Variants in IFRD1 observed in about 807,000 individuals in gnomAD.
IFRD1 encodes interferon related developmental regulator 1.
A neutral mutation model predicts 52.9 loss-of-function variants in IFRD1; 35 were observed. The observed-to-expected ratio is 0.66, with a 90% CI of 0.51 to 0.88. IFRD1 has a LOEUF of 0.88. IFRD1 is among the 40% of genes least tolerant of loss of function. The pLI is 0.00. For synonymous variants in IFRD1, 184 were observed against 188.4 expected (o/e 0.98, Z 0.19); for missense variants, 517 against 550.8 (o/e 0.94, Z 0.61).
At chr7:112,428,431 T>G (rs766135783) in intron 1 of IFRD1, among the ~76,000 whole-genome samples, 6 of 152,166 alleles carry the variant, frequency 3.9e-5, no homozygotes, top group Non-Finnish European at 7.4e-5. Context: ...ATGGAGTAGT[T>G]AAGAGGCAGT....
intron 1 of IFRD1, among the ~76,000 whole-genome samples, chr7:112,441,573 C>G (rs1180054487): frequency 6.6e-6 from 1 of 152,214 alleles, no homozygotes; most frequent in Non-Finnish European, 1.5e-5. Flanking sequence ...CTCTGCTTCT[C>G]TCTACAGTCC....
chr7:112,453,631 A>G (rs1467851637), intron 1 of IFRD1, among the ~76,000 whole-genome samples: 1 of 152,176 alleles, frequency 6.6e-6, no homozygotes, highest in Non-Finnish European at 1.5e-5. Context: ...ATCTGTTGCC[A>G]TTACTTCAGT....
At chr7:112,453,763 T>G (rs1795222101) in intron 1 of IFRD1, among the ~76,000 whole-genome samples, 1 of 152,206 alleles carries the variant, frequency 6.6e-6, no homozygotes. Flanking sequence ...CTTTATGCTT[T>G]ACTACTTTGG....
At chr7:112,456,682 C>T (rs1389239653) in intron 3 of IFRD1, among the ~76,000 whole-genome samples, 1 of 152,124 alleles carries the variant, frequency 6.6e-6, no homozygotes, top group Non-Finnish European at 1.5e-5. Context: ...AAAGTTGTGG[C>T]TATCAAACTA....
chr7:112,456,264 TTC>T (rs1243954916), intron 3 of IFRD1, among the ~76,000 whole-genome samples, 178 bp downstream of exon 3: 3 of 152,262 alleles, frequency 2.0e-5, no homozygotes, highest in Non-Finnish European at 4.4e-5. Context: ...CTTTGGATGT[TTC>T]TTATTCCGTT....
chr7:112,435,655 T>TGTGTGTGTGTGTGTGTGTGTGTGCGC (rs775779479), intron 1 of IFRD1: 7 of 149,250 alleles, frequency 4.7e-5, no homozygotes, highest in African/African-American at 1.8e-4. Context: ...TGTGTGTGTG[T>TGTGTGTGTGTGTGTGTGTGTGTGCGC]GCGTGCTTGT....
rs1211004336 is a variant in IFRD1, at chr7:112,476,429, G to A, written c.*910G>A. 6.6e-6 allele frequency: 1 copy of A among 152,224 alleles called. No individual in the cohort carries two copies. The highest frequency in any genetic ancestry group is 2.4e-5 in the African/African-American group (1 of 41,450). The allele number at this position is 152,224 out of a possible 1,614,324, so 9.4% of individuals were successfully genotyped here. A position where few individuals can be genotyped will look rare whatever the true frequency, so the allele number is the denominator to read the frequency against. Reference sequence around the variant, plus strand: ...ATAATCAGCACTCTGGGGAGGCTGAGGCGGGAGGATGGCATGAGCCCAGTT... The same window carrying A: ...ATAATCAGCACTCTGGGGAGGCTGAAGCGGGAGGATGGCATGAGCCCAGTT... On this transcript the variant is annotated 3_prime_UTR_variant, in exon 12 of 12. Coordinates refer to ENST00000403825, the MANE Select transcript of IFRD1 (RefSeq NM_001550.4).
At chr7:112,423,829 T>A (rs922384777) in intron 1 of IFRD1, among the ~76,000 whole-genome samples, 2 of 152,164 alleles carry the variant, frequency 1.3e-5, no homozygotes, top group Non-Finnish European at 2.9e-5. Flanking sequence ...CCATTTTTCA[T>A]ATATGTGTTC....
chr7:112,428,741 T>C (rs1400348160), intron 1 of IFRD1, among the ~76,000 whole-genome samples: 1 of 152,180 alleles, frequency 6.6e-6, no homozygotes, highest in East Asian at 1.9e-4. Context: ...TTTTGTATAC[T>C]TGAATCTGTA....
In IFRD1 at chr7:112,475,863, C is replaced by T. The variant is rs975152435; in HGVS notation, c.*344C>T. 3.5e-5 allele frequency: 7 copies of T among 200,254 alleles called. No individual in the cohort carries two copies. Among genetic ancestry groups the T allele is most frequent in the Admixed American group, 5.6e-5 (1 of 17,946 alleles). The allele number at this position is 200,254 out of a possible 1,614,324, so 12.4% of individuals were successfully genotyped here. A position where few individuals can be genotyped will look rare whatever the true frequency, so the allele number is the denominator to read the frequency against. On this transcript the variant is annotated 3_prime_UTR_variant, in exon 12 of 12. Coordinates refer to ENST00000403825, the MANE Select transcript of IFRD1 (RefSeq NM_001550.4). ...TACTGATTTACTATAATGATATATA[C>T]ATGCAAGATATTTAACTTAATATCT...
chr7:112,469,064 A>G (rs1256762304), intron 9 of IFRD1, among the ~76,000 whole-genome samples: 1 of 152,136 alleles, frequency 6.6e-6, no homozygotes, highest in Non-Finnish European at 1.5e-5. Flanking sequence ...AGGCCAGGTA[A>G]ATTGTTTTTG....
At chr7:112,462,502 T>G in intron 8 of IFRD1, 124 bp downstream of exon 8, 1 of 733,108 alleles carries the variant, frequency 1.4e-6, no homozygotes, top group Non-Finnish European at 2.4e-6. Context: ...CAGTGATTTA[T>G]TTCCCTACTT....
intron 5 of IFRD1, 44 bp downstream of exon 5, chr7:112,459,062 C>T (rs970813874): frequency 7.3e-6 from 11 of 1,507,190 alleles, no homozygotes; most frequent in Non-Finnish European, 9.1e-6. Context: ...CTATTCATGA[C>T]ACCCAGACGT....
chr7:112,462,695 A>G (rs1458035090), intron 8 of IFRD1, among the ~76,000 whole-genome samples: 1 of 152,200 alleles, frequency 6.6e-6, no homozygotes, highest in African/African-American at 2.4e-5. Context: ...TCAGATACCC[A>G]ATACATCAAG....
rs780219265 is a variant in IFRD1 at position 112,450,663 on chromosome 7, C to T, written c.-26C>T. On this transcript the variant is annotated 5_prime_UTR_variant, in exon 1 of 12. Transcript: ENST00000403825. ...TCGGCTGATCCTCGCTAAGCTCCGACTCTGGGCGGCACCGGGCGTCCCACG... is the reference window on the plus strand; with the variant it reads ...TCGGCTGATCCTCGCTAAGCTCCGATTCTGGGCGGCACCGGGCGTCCCACG... 4 of 1,589,118 alleles carry T rather than the reference C, an allele frequency of 2.5e-6. No homozygotes were observed. The highest frequency in any genetic ancestry group is 2.7e-5 in the African/African-American group (2 of 74,484).
At chr7:112,439,312 T>C (rs1289822482) in intron 1 of IFRD1, among the ~76,000 whole-genome samples, 1 of 152,124 alleles carries the variant, frequency 6.6e-6, no homozygotes, top group Non-Finnish European at 1.5e-5. Context: ...TTAAGGGAAG[T>C]AGGGGGATAG....
At chr7:112,426,329 A>G (rs1794427732) in intron 1 of IFRD1, among the ~76,000 whole-genome samples, 1 of 152,200 alleles carries the variant, frequency 6.6e-6, no homozygotes, top group Non-Finnish European at 1.5e-5. Context: ...AGTGGGGGCA[A>G]ATTATGCCTT....
intron 11 of IFRD1, 60 bp downstream of exon 11, chr7:112,472,921 T>G: frequency 1.8e-6 from 2 of 1,135,410 alleles, no homozygotes; most frequent in Non-Finnish European, 1.3e-6. Context: ...TTCTGTCTAG[T>G]GTCAGCAACT....
chr7:112,428,475 G>T (rs1794476029), intron 1 of IFRD1, among the ~76,000 whole-genome samples: 1 of 152,168 alleles, frequency 6.6e-6, no homozygotes, highest in Non-Finnish European at 1.5e-5. Flanking sequence ...AATGAAGAAT[G>T]AAGAAATAAA....
Sources: allele counts gnomAD v4.1 joint callset (sites outside exome capture counted in the v4.1 genomes callset), GRCh38; gene constraint gnomAD v4.1.1; transcripts MANE v1.5; gene names NCBI Gene and HGNC (gene_info 2026-07-23, HGNC 2026-07-21).